The following NANS variants were observed in gnomAD, a reference collection of about 807,000 sequenced individuals.
The protein encoded by NANS is N-acetylneuraminate synthase.
In NANS, 29 loss-of-function variants were observed where a neutral mutation model predicts 33.3. That is an observed-to-expected ratio of 0.87 (90% CI 0.65 to 1.19). The LOEUF (loss-of-function observed/expected upper bound fraction) is 1.19. Among genes scored for constraint, NANS ranks in the 50% most tolerant of loss-of-function variants. The probability of loss-of-function intolerance (pLI) is 0.00; values close to 1 mark genes in which losing one functional copy is unlikely to be tolerated. For missense variants in NANS, 394 were observed against 461.1 expected (o/e 0.85, Z 1.33); for synonymous variants, 163 against 177.2 (o/e 0.92, Z 0.64).
In NANS at chr9:98,071,960, C is replaced by A. The variant is rs754049120; in HGVS notation, c.349-4958C>A. On this transcript the variant is annotated intron_variant, in intron 2 of 5. Transcript: ENST00000210444. ...CCTGCAGGTGGCATCGGTTGAGAAC[C>A]CGGAGCAGTTGGGTGATAGGGAGGA... is the stretch of plus-strand genomic sequence containing the variant. Among the ~76,000 whole-genome samples, 48 of 152,176 alleles carry A rather than the reference C, an allele frequency of 3.2e-4. 1 individual carries two copies. The highest frequency in any genetic ancestry group is 1.2e-4 in the Non-Finnish European group (8 of 68,026).
intron 2 of NANS, among the ~76,000 whole-genome samples, chr9:98,063,858 A>G (rs1017345533): frequency 5.3e-5 from 8 of 152,238 alleles, no homozygotes; most frequent in South Asian, 4.1e-4. Context: ...TTTTGTGCTA[A>G]TAAGTAGTGC....
chr9:98,067,073 C>T (rs2131629867), intron 2 of NANS, among the ~76,000 whole-genome samples: 1 of 152,264 alleles, frequency 6.6e-6, no homozygotes, highest in East Asian at 1.9e-4. Flanking sequence ...TATGTTGTAG[C>T]ATATATCAGT....
intron 1 of NANS, among the ~76,000 whole-genome samples, chr9:98,059,234 A>C (rs970786030): frequency 2.6e-5 from 4 of 152,052 alleles, no homozygotes; most frequent in Non-Finnish European, 5.9e-5. Flanking sequence ...CATGTTAGCC[A>C]GGATGGTCTC....
chr9:98,058,259 T>C (rs964221962), intron 1 of NANS, among the ~76,000 whole-genome samples: 4 of 152,194 alleles, frequency 2.6e-5, no homozygotes, highest in African/African-American at 9.7e-5. Flanking sequence ...ACCTAATCAC[T>C]GAATCATAAA....
At chr9:98,068,650 TAAAA>T (rs55679709) in intron 2 of NANS, among the ~76,000 whole-genome samples, 1 of 127,704 alleles carries the variant, frequency 7.8e-6, no homozygotes. Flanking sequence ...CCCCATCTAT[TAAAA>T]AAAAAAAAAA....
intron 5 of NANS, among the ~76,000 whole-genome samples, chr9:98,082,483 G>A (rs113264274): frequency 8.1e-4 from 123 of 152,292 alleles, no homozygotes; most frequent in South Asian, 4.6e-3. Context: ...TATGTTCCAC[G>A]TACATTCTGT....
At chr9:98,066,163 C>A (rs1157116559) in intron 2 of NANS, among the ~76,000 whole-genome samples, 2 of 152,132 alleles carry the variant, frequency 1.3e-5, no homozygotes, top group African/African-American at 2.4e-5. Context: ...GTTATGTGTG[C>A]ATTTCATTGC....
chr9:98,057,292 C>G (rs1042680703), intron 1 of NANS, among the ~76,000 whole-genome samples: 2 of 152,210 alleles, frequency 1.3e-5, no homozygotes, highest in African/African-American at 4.8e-5. Context: ...ACATAGCCTT[C>G]AAGATTTTAA....
chr9:98,074,142 G>A (rs889994694), intron 2 of NANS, among the ~76,000 whole-genome samples: 2 of 152,190 alleles, frequency 1.3e-5, no homozygotes, highest in Non-Finnish European at 2.9e-5. Flanking sequence ...TTGGAACTCA[G>A]CTAAGTTGAT....
intron 1 of NANS, among the ~76,000 whole-genome samples, chr9:98,059,716 CTT>C (rs1475803491): frequency 6.6e-6 from 1 of 151,292 alleles, no homozygotes; most frequent in Non-Finnish European, 1.5e-5. Context: ...TGCCTGACCT[CTT>C]GAGTGTTTTT....
chr9:98,080,834 C>G lies in NANS; in HGVS notation c.622C>G (p.Pro208Ala), dbSNP rs1245754029. The G allele has an allele frequency of 6.3e-7, 1 of 1,585,362 alleles. No homozygotes were observed. The highest frequency in any genetic ancestry group is 1.8e-5 in the Admixed American group (1 of 56,186). The stretch of plus-strand genomic sequence containing the variant: ...TTTAAAGGAATATCAGAAGCTCTTT[C>G]CTGACATTCCCATAGGGTATTCTGG... ...RVISEYQKLF[P>A]DIPIGYSGHE... Residue 208 changes from proline (P) to alanine (A), a missense_variant, in exon 5 of 6, where the codon CCT (proline) becomes GCT (alanine). Coordinates refer to ENST00000210444, the MANE Select transcript of NANS (RefSeq NM_018946.4).
At chr9:98,070,885 C>T (rs1283661537) in intron 2 of NANS, among the ~76,000 whole-genome samples, 1 of 150,846 alleles carries the variant, frequency 6.6e-6, no homozygotes, top group Non-Finnish European at 1.5e-5. Context: ...GCTCATAGCT[C>T]ACCGCAGCCT....
chr9:98,082,149 C>T (rs1325405035), intron 5 of NANS: 3 of 152,182 alleles, frequency 2.0e-5, no homozygotes, highest in Admixed American at 2.0e-4. Flanking sequence ...GCTTCAGGTA[C>T]CCTTCATTCC....
intron 2 of NANS, chr9:98,075,280 T>A (rs1177109498): frequency 2.0e-5 from 3 of 150,944 alleles, no homozygotes; most frequent in Non-Finnish European, 4.4e-5. Context: ...CAAGACCCCG[T>A]CTCTACCACA....
At chr9:98,080,201 A>G (rs1829791551) in intron 4 of NANS, among the ~76,000 whole-genome samples, 2 of 152,210 alleles carry the variant, frequency 1.3e-5, no homozygotes, top group Non-Finnish European at 2.9e-5. Flanking sequence ...GTGACAGAGC[A>G]AGACTCTGTT....
At position 98,076,942 on chromosome 9, in the gene NANS, C is replaced by T. The variant is rs950713032; in HGVS notation, c.373C>T (p.Leu125=). ...GATGGCAGTTGAATTCCTGCATGAA[C>T]TGAATGTTCCATTTTTCAAAGTTGG... The part of the protein sequence containing the change: ...DEMAVEFLHE[L]NVPFFKVGSG... The change falls in exon 3 of 6, where the codon CTG becomes TTG. Residue 125 remains leucine (L), a synonymous_variant. Transcript: ENST00000210444. 6 of 1,612,178 alleles carry T rather than the reference C, an allele frequency of 3.7e-6. No individual in the cohort carries two copies. Among genetic ancestry groups the T allele is most frequent in the South Asian group, 1.1e-5 (1 of 90,372 alleles).
At position 98,056,882 on chromosome 9, in the gene NANS, T is replaced by C; in HGVS notation, c.74T>C (p.Ile25Thr). The change falls in exon 1 of 6, where the codon ATC (isoleucine) becomes ACC (threonine). Residue 25 changes from isoleucine (I) to threonine (T), a missense_variant. By Grantham distance (89) the Ile-to-Thr change is moderately conservative. Transcript: ENST00000210444. ...CACCCGTGCTTCATCATTGCCGAGA[T>C]CGGCCAGAACCACCAGGGCGACCTG... ...GQHPCFIIAEIGQNHQGDLDV... is the reference protein window; with the variant it reads ...GQHPCFIIAETGQNHQGDLDV... 1 of 1,611,542 alleles carries C rather than the reference T, an allele frequency of 6.2e-7. No homozygotes were observed. The highest frequency in any genetic ancestry group is 8.5e-7 in the Non-Finnish European group (1 of 1,179,140).
intron 1 of NANS, among the ~76,000 whole-genome samples, 178 bp from the exon 2 acceptor site, chr9:98,060,604 T>G (rs575049746): frequency 6.6e-6 from 1 of 150,954 alleles, no homozygotes; most frequent in East Asian, 2.0e-4. Context: ...CGGGAGGCAT[T>G]GGTTGTAGTG....
At chr9:98,078,011 T>C in intron 3 of NANS, 182 bp from the exon 4 acceptor site, 3 of 787,592 alleles carry the variant, frequency 3.8e-6, no homozygotes, top group Non-Finnish European at 3.9e-6. Context: ...AGCCCACCTT[T>C]CCTGTGGCCG....
Sources: gnomAD v4.1 joint callset for allele counts (sites outside exome capture counted in the v4.1 genomes callset) on GRCh38, gnomAD v4.1.1 for gene constraint, MANE v1.5 for transcripts, NCBI Gene and HGNC (gene_info 2026-07-23, HGNC 2026-07-21) for gene names.